Variants in PRDM5 observed in about 807,000 individuals in gnomAD.
The protein encoded by PRDM5 is PR domain zinc finger protein 5.
PRDM5 carries 56 observed loss-of-function variants against 81.2 expected under a neutral mutation model. The observed-to-expected ratio is 0.69, with a 90% confidence interval of 0.56 to 0.86. The LOEUF is 0.86. Ranked by LOEUF, PRDM5 falls within the 40% of genes least tolerant of loss-of-function variation. The pLI is 0.00. For synonymous variants in PRDM5, 267 were observed against 256.4 expected (o/e 1.04, Z -0.39); for missense variants, 697 against 770.1 (o/e 0.91, Z 1.12).
chr4:120,914,718 A>C (rs1317705283), intron 1 of PRDM5, among the ~76,000 whole-genome samples: 1 of 152,222 alleles, frequency 6.6e-6, no homozygotes, highest in Non-Finnish European at 1.5e-5. Flanking sequence ...TGTTTATCAC[A>C]GCCCAATTCA....
chr4:120,820,755 C>G (rs1383187050), intron 4 of PRDM5, among the ~76,000 whole-genome samples: 1 of 152,222 alleles, frequency 6.6e-6, no homozygotes, highest in African/African-American at 2.4e-5. Flanking sequence ...TACCTCACCT[C>G]CACTCTCACC....
At chr4:120,762,784 C>T (rs529835568) in intron 13 of PRDM5, 3 of 152,224 alleles carry the variant, frequency 2.0e-5, no homozygotes, top group East Asian at 1.9e-4. Context: ...CGGAACCCCA[C>T]CTTGTTACTC....
intron 2 of PRDM5, among the ~76,000 whole-genome samples, chr4:120,894,665 G>A (rs1299728860): frequency 6.6e-6 from 1 of 152,122 alleles, no homozygotes; most frequent in African/African-American, 2.4e-5. Flanking sequence ...AAACATATAT[G>A]TATTTTCAGG....
At chr4:120,685,199 T>G (rs1197519155) in intron 1 of PRDM5, among the ~76,000 whole-genome samples, 1 of 152,058 alleles carries the variant, frequency 6.6e-6, no homozygotes, top group Non-Finnish European at 1.5e-5. Flanking sequence ...TTCCCTCTTT[T>G]GAATATTTGA....
chr4:120,834,278 T>C (rs1757085506), intron 3 of PRDM5, among the ~76,000 whole-genome samples: 1 of 152,186 alleles, frequency 6.6e-6, no homozygotes, highest in Non-Finnish European at 1.5e-5. Flanking sequence ...CCCCATGTAA[T>C]GGCATTTAGA....
At chr4:120,781,407 G>T in intron 11 of PRDM5, 104 bp from the exon 12 acceptor site, 1 of 1,016,362 alleles carries the variant, frequency 9.8e-7, no homozygotes, top group Non-Finnish European at 1.5e-6. Flanking sequence ...TGGCTTTGTA[G>T]CTCTAAGAAT....
intron 15 of PRDM5, among the ~76,000 whole-genome samples, chr4:120,699,253 C>T (rs1355306821): frequency 7.0e-6 from 1 of 143,436 alleles, no homozygotes; most frequent in Non-Finnish European, 1.5e-5. Context: ...CTTCTCATCA[C>T]ATATGATGAT....
chr4:120,877,558 A>C (rs1762439890), intron 2 of PRDM5, among the ~76,000 whole-genome samples: 2 of 152,312 alleles, frequency 1.3e-5, no homozygotes, highest in African/African-American at 4.8e-5. Flanking sequence ...TAATCCCAGC[A>C]CTTTGGGAGG....
intron 4 of PRDM5, among the ~76,000 whole-genome samples, chr4:120,820,284 C>G (rs1755093471): frequency 6.6e-6 from 1 of 152,176 alleles, no homozygotes; most frequent in Non-Finnish European, 1.5e-5. Flanking sequence ...TAATTAGAAA[C>G]GGGCCCTCAC....
intron 2 of PRDM5, among the ~76,000 whole-genome samples, chr4:120,870,794 C>A (rs1761706420): frequency 6.6e-6 from 1 of 152,144 alleles, no homozygotes; most frequent in African/African-American, 2.4e-5. Context: ...AGCATCACCC[C>A]TGAGTGGATT....
Position 120,701,879 on chromosome 4 carries a change from A to T in PRDM5, c.1729-6604T>A, listed in dbSNP as rs183241212. On this transcript the variant is annotated intron_variant, in intron 15 of 15. Transcript: ENST00000264808. Reference sequence around the variant, plus strand: ...ATTTTTTCTTCCCATATTCCAATGGATGTCATGTATGCCTGCTGCAATATA... The same window carrying T: ...ATTTTTTCTTCCCATATTCCAATGGTTGTCATGTATGCCTGCTGCAATATA... 1.1e-4 allele frequency among the ~76,000 whole-genome samples: 17 copies of T among 152,298 alleles called. No individual in the cohort carries two copies. In the East Asian group the frequency reaches 3.3e-3, roughly 29 times the overall value.
chr4:120,904,088 G>A (rs1765492426), intron 2 of PRDM5, among the ~76,000 whole-genome samples: 1 of 148,122 alleles, frequency 6.8e-6, no homozygotes, highest in Non-Finnish European at 1.5e-5. Context: ...TACTTGGGAG[G>A]CTGAGGCAGG....
chr4:120,824,266 T>G (rs1406423778), intron 3 of PRDM5, among the ~76,000 whole-genome samples: 1 of 152,216 alleles, frequency 6.6e-6, no homozygotes, highest in Non-Finnish European at 1.5e-5. Flanking sequence ...TGGTTCAGAT[T>G]TGATCACTGG....
At chr4:120,689,053 G>T (rs994755371), downstream of PRDM5, among the ~76,000 whole-genome samples, 15 of 152,068 alleles carry the variant, frequency 9.9e-5, no homozygotes, top group African/African-American at 3.4e-4. Context: ...CAAGTCATCT[G>T]CCCTTTACTG....
chr4:120,798,953 A>G (rs1451968637), intron 9 of PRDM5, among the ~76,000 whole-genome samples: 2 of 152,204 alleles, frequency 1.3e-5, no homozygotes, highest in Non-Finnish European at 1.5e-5. Flanking sequence ...AAGCATACCT[A>G]AAAGATAACA....
At chr4:120,706,432 G>A (rs1484100817) in intron 15 of PRDM5, among the ~76,000 whole-genome samples, 2 of 151,960 alleles carry the variant, frequency 1.3e-5, no homozygotes, top group Non-Finnish European at 1.5e-5. Flanking sequence ...GGTTATTTGG[G>A]GATGGTACAG....
rs900687529 is a variant in PRDM5 at position 120,777,096 on chromosome 4, G to A, written c.1537+92C>T. On this transcript the variant is annotated intron_variant, in intron 13 of 15. Coordinates refer to ENST00000264808, the MANE Select transcript of PRDM5 (RefSeq NM_018699.4). The stretch of plus-strand genomic sequence containing the variant: ...ACAGCCAAGATTAATTCTTAATCTG[G>A]AAGATATTTGTATTATTACAATATT... The A allele has an allele frequency of 2.5e-6, 4 of 1,601,398 alleles. No homozygotes were observed. The Admixed American group carries it at 5.1e-5, about 20-fold the overall frequency.
intron 14 of PRDM5, among the ~76,000 whole-genome samples, chr4:120,754,198 A>G (rs1368601285): frequency 7.0e-6 from 1 of 142,480 alleles, no homozygotes; most frequent in Non-Finnish European, 1.6e-5. Flanking sequence ...AAACTTGCAG[A>G]CTCTATTAAA....
chr4:120,797,087 T>A (rs1751445443), intron 10 of PRDM5, among the ~76,000 whole-genome samples: 1 of 152,108 alleles, frequency 6.6e-6, no homozygotes, highest in African/African-American at 2.4e-5. Flanking sequence ...AGGTAAAGTA[T>A]AAGAAATGCA....
Sources: allele counts gnomAD v4.1 joint callset (sites outside exome capture counted in the v4.1 genomes callset), GRCh38; gene constraint gnomAD v4.1.1; transcripts MANE v1.5; gene names NCBI Gene and HGNC (gene_info 2026-07-23, HGNC 2026-07-21).